Variants in KIF5C observed in about 807,000 individuals in gnomAD.
KIF5C encodes kinesin family member 5C, also known as kinesin heavy chain isoform 5C.
Under a neutral mutation model 125.2 loss-of-function variants are expected in KIF5C, and 18 were observed. The observed-to-expected ratio is 0.14, with a 90% confidence interval of 0.10 to 0.21. KIF5C has a LOEUF of 0.21. Ranked by LOEUF, KIF5C falls within the 10% of genes least tolerant of loss-of-function variation. The probability of loss-of-function intolerance (pLI) is 1.00; values close to 1 mark genes in which losing one functional copy is unlikely to be tolerated. For synonymous variants in KIF5C, 405 were observed against 434.0 expected, an observed-to-expected ratio of 0.93 and a Z score of 0.83; for missense variants, 780 against 1,183.8, an observed-to-expected ratio of 0.66 and a Z score of 5.01.
chr2:148,939,837 T>C (rs1286952113), intron 4 of KIF5C, among the ~76,000 whole-genome samples: 1 of 152,208 alleles, frequency 6.6e-6, no homozygotes, highest in African/African-American at 2.4e-5. Flanking sequence ...AACGTCCTAT[T>C]TCTTAATGCC....
At chr2:148,955,983 C>A (rs1387069485) in intron 10 of KIF5C, among the ~76,000 whole-genome samples, 5 of 152,206 alleles carry the variant, frequency 3.3e-5, no homozygotes, top group Non-Finnish European at 7.3e-5. Flanking sequence ...CCAAAGTAAA[C>A]AGAAGAAACG....
At chr2:148,960,576 G>A (rs990959013) in intron 10 of KIF5C, among the ~76,000 whole-genome samples, 2 of 152,220 alleles carry the variant, frequency 1.3e-5, no homozygotes, top group African/African-American at 4.8e-5. Flanking sequence ...CAGTGAACAA[G>A]AGAGAGTTAT....
intron 22 of KIF5C, 131 bp downstream of exon 22, chr2:149,005,595 G>T: frequency 7.4e-7 from 1 of 1,346,368 alleles, no homozygotes. Context: ...GCACACCAGA[G>T]AATGTTATTA....
chr2:149,001,245 T>C (rs1285176781), intron 21 of KIF5C, among the ~76,000 whole-genome samples: 1 of 152,198 alleles, frequency 6.6e-6, no homozygotes, highest in Admixed American at 6.5e-5. Context: ...TGCTATAGAA[T>C]GTGCATAGGT....
At chr2:149,005,609 G>T (rs967571311) in intron 22 of KIF5C, 145 bp downstream of exon 22, 57 of 1,291,180 alleles carry the variant, frequency 4.4e-5, no homozygotes, top group Non-Finnish European at 5.7e-5. Flanking sequence ...GTTATTAAAA[G>T]AATGTGCTGG....
At position 148,876,968 on chromosome 2, in the gene KIF5C, T is replaced by G. The variant is rs930175542; in HGVS notation, c.126+1225T>G. Among the ~76,000 whole-genome samples, 5 of 152,188 alleles carry G rather than the reference T, an allele frequency of 3.3e-5. No individual in the cohort carries two copies. The highest frequency in any genetic ancestry group is 1.2e-4 in the African/African-American group (5 of 41,454). Reference sequence around the variant, plus strand: ...TAACCCCCTCCTCCCCTTCCTCCAGTGGCTGGTGTATTTAGGTCAAGTGAT... The same window carrying G: ...TAACCCCCTCCTCCCCTTCCTCCAGGGGCTGGTGTATTTAGGTCAAGTGAT... On this transcript the variant is annotated intron_variant, in intron 1 of 25. Transcript: ENST00000435030. This position sits in a 1 kb window ranked among gnomAD's most constrained non-coding sequence, Gnocchi z 4.7.
intron 3 of KIF5C, among the ~76,000 whole-genome samples, chr2:148,932,908 G>T (rs1682211859): frequency 6.6e-6 from 1 of 152,156 alleles, no homozygotes; most frequent in African/African-American, 2.4e-5. Flanking sequence ...TTGTTTGGTG[G>T]CTGGTGGCCT....
Position 148,924,597 on chromosome 2 carries a change from TCTC to T in KIF5C, c.217+2375_217+2377del. 6.6e-6 allele frequency among the ~76,000 whole-genome samples: 1 copy of T among 152,338 alleles called. No individual in the cohort carries two copies. The highest frequency in any genetic ancestry group is 2.1e-4 in the South Asian group (1 of 4,822). ...TTTTGCTTGAAAAAGCATGTAGAAT[TCTC>T]CTCCATTTCTTCTCAAAGAGGTTGT... On this transcript the variant is annotated intron_variant, in intron 2 of 25. Coordinates refer to ENST00000435030, the MANE Select transcript of KIF5C (RefSeq NM_004522.3). This position sits in a 1 kb window ranked among gnomAD's most constrained non-coding sequence, Gnocchi z 4.0.
chr2:148,939,094 T>TAA (rs66739683), intron 4 of KIF5C, among the ~76,000 whole-genome samples: 4 of 131,726 alleles, frequency 3.0e-5, no homozygotes, highest in African/African-American at 5.6e-5. Flanking sequence ...GATTCTGTCT[T>TAA]AAAAAAAAAA....
intron 23 of KIF5C, among the ~76,000 whole-genome samples, chr2:149,008,831 A>AT (rs1247516384): frequency 3.3e-5 from 5 of 152,068 alleles, no homozygotes; most frequent in East Asian, 1.9e-4. Context: ...TGATGATGGC[A>AT]TTTTTTCCCC....
chr2:148,986,270 A>T (rs1681379539), intron 15 of KIF5C, among the ~76,000 whole-genome samples: 2 of 152,172 alleles, frequency 1.3e-5, no homozygotes, highest in Non-Finnish European at 2.9e-5. Flanking sequence ...GTTTTTAAAT[A>T]CTCAATTGGA....
intron 1 of KIF5C, among the ~76,000 whole-genome samples, chr2:148,914,191 G>C (rs1681453060): frequency 1.3e-5 from 2 of 152,242 alleles, no homozygotes; most frequent in African/African-American, 4.8e-5. Context: ...ACTAGAACCA[G>C]TTGCCTGACT....
At chr2:149,020,329 C>T (rs923752809) in intron 25 of KIF5C, 1 of 152,084 alleles carries the variant, frequency 6.6e-6, no homozygotes, top group African/African-American at 2.4e-5. Context: ...AAAGAAAGGA[C>T]CCTTCATTGG....
chr2:149,017,334 C>A (rs571407475), intron 25 of KIF5C, among the ~76,000 whole-genome samples: 1 of 152,124 alleles, frequency 6.6e-6, no homozygotes, highest in Non-Finnish European at 1.5e-5. Context: ...CTTGTTTTCT[C>A]GTGCAGGCAA....
chr2:148,881,387 C>T (rs542756624), intron 1 of KIF5C, among the ~76,000 whole-genome samples: 128 of 151,904 alleles, frequency 8.4e-4, no homozygotes, highest in Non-Finnish European at 1.6e-3. Flanking sequence ...TTTGTGTGTG[C>T]GTGTGCGTGT....
At chr2:148,946,875 G>A in intron 7 of KIF5C, 24 bp from the exon 8 acceptor site, 1 of 1,610,362 alleles carries the variant, frequency 6.2e-7, no homozygotes, top group South Asian at 1.1e-5. Context: ...TCTTTGTAGA[G>A]CAGTAAACTA....
intron 25 of KIF5C, among the ~76,000 whole-genome samples, chr2:149,015,185 CT>C (rs1327085967): frequency 6.6e-6 from 1 of 151,990 alleles, no homozygotes; most frequent in Non-Finnish European, 1.5e-5. Context: ...GAGAGCCTAT[CT>C]AAAAAACATA....
chr2:148,979,131 C>A, intron 13 of KIF5C, 141 bp downstream of exon 13: 1 of 1,133,980 alleles, frequency 8.8e-7, no homozygotes, highest in Non-Finnish European at 1.2e-6. Context: ...GATGTCCCTT[C>A]ACTGCCTCTT....
At chr2:148,929,145 C>T (rs1464072712) in intron 2 of KIF5C, 136 bp from the exon 3 acceptor site, 7 of 571,032 alleles carry the variant, frequency 1.2e-5, no homozygotes, top group Middle Eastern at 3.3e-4. Flanking sequence ...ACTTAAAATT[C>T]ACATGGAGTT....
Sources: allele counts gnomAD v4.1 joint callset (sites outside exome capture counted in the v4.1 genomes callset), GRCh38; gene constraint gnomAD v4.1.1; non-coding constraint Gnocchi (gnomAD v3.1); transcripts MANE v1.5; gene names NCBI Gene and HGNC (gene_info 2026-07-23, HGNC 2026-07-21).